The following RAB10 variants were observed in gnomAD, a reference collection of about 807,000 sequenced individuals.
RAB10 encodes RAB10, member RAS oncogene family, also known as ras-related protein Rab-10.
In RAB10, 5 loss-of-function variants were observed where a neutral mutation model predicts 25.7. The observed-to-expected ratio is 0.19, with a 90% CI of 0.10 to 0.41. The LOEUF is 0.41. Ranked by LOEUF, RAB10 falls within the 10% of genes least tolerant of loss-of-function variation. The pLI is 1.00. For synonymous variants in RAB10, 89 were observed against 86.4 expected (o/e 1.03, Z -0.16); for missense variants, 103 against 245.8 (o/e 0.42, Z 3.89).
chr2:26,052,548 G>A (rs985159404), intron 1 of RAB10, among the ~76,000 whole-genome samples: 3 of 141,270 alleles, frequency 2.1e-5, no homozygotes, highest in African/African-American at 7.9e-5. Flanking sequence ...GAGCCATTCT[G>A]TTTCTCCAGA....
chr2:26,047,641 G>A (rs986415078), intron 1 of RAB10, among the ~76,000 whole-genome samples: 7 of 151,060 alleles, frequency 4.6e-5, no homozygotes, highest in African/African-American at 1.2e-4. Flanking sequence ...GGTCTTGAAC[G>A]CCTGACCTCA....
intron 1 of RAB10, among the ~76,000 whole-genome samples, chr2:26,084,034 A>C (rs1322325387): frequency 4.6e-5 from 7 of 152,230 alleles, no homozygotes; most frequent in Non-Finnish European, 1.0e-4. Context: ...TAGAAGGCTC[A>C]CATCACTCTG....
chr2:26,127,857 G>A lies in RAB10; in HGVS notation c.425G>A (p.Arg142Lys), dbSNP rs1667934977. 1 of 1,599,280 alleles carries A rather than the reference G, an allele frequency of 6.3e-7. No homozygotes were observed. Among genetic ancestry groups the A allele is most frequent in the Non-Finnish European group, 8.6e-7 (1 of 1,166,654 alleles). Residue 142 changes from arginine (R) to lysine (K), a missense_variant, in exon 5 of 6, where the codon AGG becomes AAG. This residue lies in a region of RAB10 where 79 missense variants were observed against 217.8 expected (regional missense o/e 0.36). Coordinates refer to ENST00000264710, the MANE Select transcript of RAB10 (RefSeq NM_016131.5). ...VPKGKGEQIA[R>K]EHGIRFFETS... ...ATTTTGTTTCTGTTTTAGATTGCAA[G>A]GGAGCATGGTATTAGGTTTTTTGAG...
chr2:26,134,528 TA>T (rs1668070057), intron 5 of RAB10, among the ~76,000 whole-genome samples: 1 of 152,230 alleles, frequency 6.6e-6, no homozygotes, highest in Admixed American at 6.5e-5. Context: ...AAAATTGGTC[TA>T]AAAAGGCAGA....
chr2:26,117,619 C>CAAAAAAAAA (rs71399361), intron 3 of RAB10, among the ~76,000 whole-genome samples: 1 of 34,392 alleles, frequency 2.9e-5, no homozygotes, highest in Non-Finnish European at 5.8e-5. Context: ...GACTCCGTCT[C>CAAAAAAAAA]AAAAAAAAAA....
At chr2:26,094,277 G>A (rs143291259) in intron 1 of RAB10, among the ~76,000 whole-genome samples, 1,652 of 151,672 alleles carry the variant, frequency 0.011, 35 homozygotes, top group African/African-American at 0.037. Context: ...TTGAGACAGA[G>A]TTTCATTCTT....
intron 2 of RAB10, among the ~76,000 whole-genome samples, chr2:26,103,752 C>G (rs755047498): frequency 1.9e-4 from 29 of 152,156 alleles, no homozygotes; most frequent in Non-Finnish European, 3.8e-4. Context: ...CCTCCCAATT[C>G]CCTGGCCAGG....
Position 26,137,133 on chromosome 2 carries a change from A to G in RAB10, c.*2112A>G, listed in dbSNP as rs1029201752. 4 of 152,684 alleles carry G rather than the reference A, an allele frequency of 2.6e-5. No homozygotes were observed. The highest frequency in any genetic ancestry group is 4.4e-5 in the Non-Finnish European group (3 of 68,042). 9.5% of individuals were successfully genotyped at this position (152,684 alleles called of 1,614,324 possible). A position where few individuals can be genotyped will look rare whatever the true frequency, so the allele number is the denominator to read the frequency against. ...ACAGTTTTGCATAATTATAATCGGC[A>G]TTGTACATAGAAAGGATATGGCTAC... On this transcript the variant is annotated 3_prime_UTR_variant, in exon 6 of 6. Coordinates refer to ENST00000264710, the MANE Select transcript of RAB10 (RefSeq NM_016131.5).
chr2:26,067,008 C>T (rs1224956549), intron 1 of RAB10, among the ~76,000 whole-genome samples: 1 of 152,094 alleles, frequency 6.6e-6, no homozygotes, highest in African/African-American at 2.4e-5. Flanking sequence ...TCTCGAACTC[C>T]TGACCTCAAG....
rs186616059 is a variant in RAB10, at chr2:26,104,862, T to C, written c.189-4906T>C. Among the ~76,000 whole-genome samples, 27 of 151,766 alleles carry C rather than the reference T, an allele frequency of 1.8e-4. 1 individual carries two copies. The East Asian group carries it at 5.3e-3, about 30-fold the overall frequency. ...ATGCCATTCTCCTGTCTCAGCCTCCTGAGTAGCTGGGACTACAGGTGCCCA... is the reference window on the plus strand; with the variant it reads ...ATGCCATTCTCCTGTCTCAGCCTCCCGAGTAGCTGGGACTACAGGTGCCCA... On this transcript the variant is annotated intron_variant, in intron 2 of 5. Coordinates refer to ENST00000264710, the MANE Select transcript of RAB10 (RefSeq NM_016131.5).
chr2:26,066,689 A>G (rs1258281053), intron 1 of RAB10, among the ~76,000 whole-genome samples: 1 of 151,754 alleles, frequency 6.6e-6, no homozygotes, highest in East Asian at 1.9e-4. Flanking sequence ...ATTACCTCCC[A>G]CCGGGTCCTT....
At chr2:26,088,570 A>G (rs575731991) in intron 1 of RAB10, among the ~76,000 whole-genome samples, 4 of 152,026 alleles carry the variant, frequency 2.6e-5, no homozygotes, top group South Asian at 2.1e-4. Flanking sequence ...TCATCTCTCA[A>G]TTTTATAAGC....
At chr2:26,051,837 C>A (rs1224892401) in intron 1 of RAB10, among the ~76,000 whole-genome samples, 1 of 150,572 alleles carries the variant, frequency 6.6e-6, no homozygotes, top group Non-Finnish European at 1.5e-5. Context: ...GCAGGCGGAT[C>A]AGGAGGTCAG....
chr2:26,039,323 A>AAGACCATCCAGAGTGC, intron 1 of RAB10, among the ~76,000 whole-genome samples: 2 of 151,354 alleles, frequency 1.3e-5, no homozygotes, highest in Admixed American at 6.6e-5. Context: ...ACCTGGCCAA[A>AAGACCATCCAGAGTGC]TAGTCACATT....
chr2:26,099,602 G>A (rs889674567), intron 2 of RAB10, among the ~76,000 whole-genome samples: 1 of 124,056 alleles, frequency 8.1e-6, no homozygotes, highest in African/African-American at 3.2e-5. Flanking sequence ...GAGCAGTGGC[G>A]CTATTTCGGC....
chr2:26,052,807 C>T (rs965076396), intron 1 of RAB10, among the ~76,000 whole-genome samples: 13 of 151,226 alleles, frequency 8.6e-5, no homozygotes, highest in African/African-American at 3.0e-4. Flanking sequence ...AGCCTTTAGA[C>T]ACCTGCTTTG....
In RAB10 at chr2:26,051,131, C is replaced by T. The variant is rs532761915; in HGVS notation, c.127+16396C>T. 2.7e-4 allele frequency among the ~76,000 whole-genome samples: 41 copies of T among 151,888 alleles called. No individual in the cohort carries two copies. The Middle Eastern group carries it at 0.014, about 50-fold the overall frequency. ...TTTTAAATTTTTTGTAGAGACTGGG[C>T]CTCACTATGTTGTCCAGGCTGATCT... On this transcript the variant is annotated intron_variant, in intron 1 of 5. Coordinates refer to ENST00000264710, the MANE Select transcript of RAB10 (RefSeq NM_016131.5).
intron 5 of RAB10, among the ~76,000 whole-genome samples, chr2:26,130,932 T>G (rs369517999): frequency 1.3e-5 from 2 of 152,096 alleles, no homozygotes; most frequent in Non-Finnish European, 2.9e-5. Flanking sequence ...GAAACGCTCT[T>G]GTCTCTGTGT....
In RAB10 at chr2:26,137,398, CTG is replaced by C. The variant is rs1385244402; in HGVS notation, c.*2378_*2379del. 1 of 152,606 alleles carries C rather than the reference CTG, an allele frequency of 6.6e-6. No homozygotes were observed. Among genetic ancestry groups the C allele is most frequent in the African/African-American group, 2.4e-5 (1 of 41,440 alleles). 9.5% of individuals were successfully genotyped at this position (152,606 alleles called of 1,614,324 possible). A position where few individuals can be genotyped will look rare whatever the true frequency, so the allele number is the denominator to read the frequency against. On this transcript the variant is annotated 3_prime_UTR_variant, in exon 6 of 6. Coordinates refer to ENST00000264710, the MANE Select transcript of RAB10 (RefSeq NM_016131.5). ...TATTCTACTTAACAATTTAAATAAA[CTG>C]AAATATTTCTAGATGGTCTACTTCT...
Sources: allele counts gnomAD v4.1 joint callset (sites outside exome capture counted in the v4.1 genomes callset), GRCh38; gene constraint gnomAD v4.1.1; regional missense constraint gnomAD v4.1.1; transcripts MANE v1.5; gene names NCBI Gene and HGNC (gene_info 2026-07-23, HGNC 2026-07-21).